Variants in ITGA11 observed in about 807,000 individuals in gnomAD.
The protein encoded by ITGA11 is integrin alpha-11.
Under a neutral mutation model 141.9 loss-of-function variants are expected in ITGA11, and 97 were observed. The observed-to-expected ratio is 0.68, with a 90% CI of 0.58 to 0.81. The LOEUF (loss-of-function observed/expected upper bound fraction) is 0.81. Ranked by LOEUF, ITGA11 falls within the 30% of genes least tolerant of loss-of-function variation. The pLI is 0.00. For missense variants in ITGA11, 1,387 were observed against 1,559.2 expected (o/e 0.89, Z 1.86); for synonymous variants, 658 against 624.6 (o/e 1.05, Z -0.80).
intron 10 of ITGA11, among the ~76,000 whole-genome samples, chr15:68,344,832 G>T (rs1894694162): frequency 6.6e-6 from 1 of 151,556 alleles, no homozygotes. Context: ...AGTCACCAAG[G>T]TTTCTGCGTA....
Position 68,325,106 on chromosome 15 carries a change from G to C in ITGA11, c.2322+25C>G. 3 of 1,560,062 alleles carry C rather than the reference G, an allele frequency of 1.9e-6. No individual in the cohort carries two copies. Among genetic ancestry groups the C allele is most frequent in the Non-Finnish European group, 2.7e-6 (3 of 1,130,772 alleles). On this transcript the variant is annotated intron_variant, in intron 18 of 29. Coordinates refer to ENST00000315757, the MANE Select transcript of ITGA11 (RefSeq NM_001004439.2). The surrounding 1 kb of genome is among the most constrained non-coding windows in gnomAD (Gnocchi z 5.5). The stretch of plus-strand genomic sequence containing the variant: ...GGTGGGGGTGGGGTTCATGCCCGAG[G>C]TGCGTGCCCTGTACCGAGATGTACC...
chr15:68,422,782 C>T lies in ITGA11; in HGVS notation c.52+9233G>A, dbSNP rs923859017. ...AACTCTCTCCCTAACCCTCTTGCTGCCAGACCCAGTCCTTCTTGCATTTAC... is the reference window on the plus strand; with the variant it reads ...AACTCTCTCCCTAACCCTCTTGCTGTCAGACCCAGTCCTTCTTGCATTTAC... On this transcript the variant is annotated intron_variant, in intron 1 of 29. Transcript: ENST00000315757. Among the ~76,000 whole-genome samples, 5 of 152,314 alleles carry T rather than the reference C, an allele frequency of 3.3e-5. No individual in the cohort carries two copies. The South Asian group carries it at 1.0e-3, about 32-fold the overall frequency.
chr15:68,428,950 T>C (rs957607015), intron 1 of ITGA11, among the ~76,000 whole-genome samples: 3 of 152,162 alleles, frequency 2.0e-5, no homozygotes, highest in Non-Finnish European at 4.4e-5. Flanking sequence ...CTTCACTCAT[T>C]TGGGGCCCTG....
rs750850758 is a variant in ITGA11 at position 68,332,302 on chromosome 15, C to T, written c.1566+36G>A. ...CCCAAGTCAAAGCAGAGGTTGGGGG[C>T]ACCTGAGAAGCTGCCCAGCCCCTGC... On this transcript the variant is annotated intron_variant, in intron 13 of 29. Coordinates refer to ENST00000315757, the MANE Select transcript of ITGA11 (RefSeq NM_001004439.2). The T allele has an allele frequency of 7.6e-6, 12 of 1,577,904 alleles. No individual in the cohort carries two copies. In the African/African-American group the frequency reaches 1.6e-4, roughly 21 times the overall value.
intron 1 of ITGA11, among the ~76,000 whole-genome samples, chr15:68,421,194 T>G (rs1897008113): frequency 1.1e-4 from 1 of 9,200 alleles, no homozygotes; most frequent in South Asian, 1.1e-3. Context: ...CTTCCTCAGG[T>G]GGGAGGGGGA....
In ITGA11 at chr15:68,396,933, T is replaced by A. The variant is rs867113355; in HGVS notation, c.164+5985A>T. 2.3e-3 allele frequency among the ~76,000 whole-genome samples: 74 copies of A among 31,510 alleles called. 10 individuals are homozygous for A. Among genetic ancestry groups the A allele is most frequent in the Non-Finnish European group, 2.8e-3 (57 of 20,500 alleles). The allele number at this position is 31,510 out of a possible 152,430, so 20.7% of individuals were successfully genotyped here. A position where few individuals can be genotyped will look rare whatever the true frequency, so the allele number is the denominator to read the frequency against. On this transcript the variant is annotated intron_variant, in intron 2 of 29. Coordinates refer to ENST00000315757, the MANE Select transcript of ITGA11 (RefSeq NM_001004439.2). The stretch of plus-strand genomic sequence containing the variant: ...ATTATATATTATTTATTATATAATA[T>A]ATAATATATTATATATTATTTATTA...
rs571462702 is a variant in ITGA11, at chr15:68,326,434, G to A, written c.2211+220C>T. On this transcript the variant is annotated intron_variant, in intron 17 of 29. Transcript: ENST00000315757. This position sits in a 1 kb window ranked among gnomAD's most constrained non-coding sequence, Gnocchi z 6.8. ...CCTTCGGCATCTGAGAGTGGCAGGA[G>A]AAGAGGTTTTGGAAGGATGTCTAGT... is the stretch of plus-strand genomic sequence containing the variant. 1.9e-4 allele frequency among the ~76,000 whole-genome samples: 29 copies of A among 152,258 alleles called. No individual in the cohort carries two copies. Among genetic ancestry groups the A allele is most frequent in the African/African-American group, 6.5e-4 (27 of 41,552 alleles).
chr15:68,328,648 C>T lies in ITGA11; in HGVS notation c.1902-386G>A, dbSNP rs1894060709. On this transcript the variant is annotated intron_variant, in intron 15 of 29. Transcript: ENST00000315757. The surrounding 1 kb of genome is among the most constrained non-coding windows in gnomAD (Gnocchi z 4.8). ...TAAAAAAATCCTGGTGCCTCAGCTA[C>T]ACCCTAGGCAAAACCACATCAGAAT... Among the ~76,000 whole-genome samples, 1 of 152,220 alleles carries T rather than the reference C, an allele frequency of 6.6e-6. No homozygotes were observed.
intron 7 of ITGA11, among the ~76,000 whole-genome samples, chr15:68,355,990 C>T (rs77797336): frequency 6.6e-6 from 1 of 152,192 alleles, no homozygotes; most frequent in Non-Finnish European, 1.5e-5. Context: ...GGGGGGTGAG[C>T]ACAATGTTTT....
chr15:68,324,575 T>C lies in ITGA11; in HGVS notation c.2322+556A>G, dbSNP rs1567128940. ...CTGCAGGGAGCATTTGAATGTTAGA[T>C]GTCAAACATTTTGGATGCCCCAGAG... On this transcript the variant is annotated intron_variant, in intron 18 of 29. Transcript: ENST00000315757. This position sits in a 1 kb window ranked among gnomAD's most constrained non-coding sequence, Gnocchi z 6.3. Among the ~76,000 whole-genome samples, 1 of 152,152 alleles carries C rather than the reference T, an allele frequency of 6.6e-6. No homozygotes were observed. Among genetic ancestry groups the C allele is most frequent in the Non-Finnish European group, 1.5e-5 (1 of 68,024 alleles).
intron 4 of ITGA11, 66 bp downstream of exon 4, chr15:68,364,641 C>T (rs558049992): frequency 2.9e-4 from 276 of 948,426 alleles, no homozygotes; most frequent in Admixed American, 2.7e-3. Flanking sequence ...TGTAAGGAGA[C>T]GCTCCACCCC....
At chr15:68,416,324 G>A (rs959168173) in intron 1 of ITGA11, among the ~76,000 whole-genome samples, 1 of 152,184 alleles carries the variant, frequency 6.6e-6, no homozygotes, top group Non-Finnish European at 1.5e-5. Context: ...TTGCAGAGGA[G>A]AACAAATGTC....
At chr15:68,389,222 T>C (rs1192551058) in intron 2 of ITGA11, among the ~76,000 whole-genome samples, 4 of 152,242 alleles carry the variant, frequency 2.6e-5, no homozygotes, top group Non-Finnish European at 5.9e-5. Context: ...CTCTCTCCCA[T>C]GAACACCTGA....
chr15:68,425,990 C>A (rs1405332528), intron 1 of ITGA11, among the ~76,000 whole-genome samples: 1 of 152,260 alleles, frequency 6.6e-6, no homozygotes. Context: ...ATCACCCAAG[C>A]CACAAGCTGG....
chr15:68,420,505 C>T (rs1034049616), intron 1 of ITGA11, among the ~76,000 whole-genome samples: 1 of 152,226 alleles, frequency 6.6e-6, no homozygotes, highest in Admixed American at 6.5e-5. Flanking sequence ...GGCCACCAAC[C>T]TCTTCTTGTC....
chr15:68,351,105 C>T (rs1458632036), intron 8 of ITGA11, among the ~76,000 whole-genome samples, 153 bp downstream of exon 8: 1 of 152,110 alleles, frequency 6.6e-6, no homozygotes, highest in Non-Finnish European at 1.5e-5. Context: ...CAGAAAGATC[C>T]TCAACTTGTT....
In ITGA11 at chr15:68,321,450, C is replaced by T. The variant is rs993739511; in HGVS notation, c.2376G>A (p.Val792=). 4.4e-6 allele frequency: 7 copies of T among 1,593,020 alleles called. No individual in the cohort carries two copies. The African/African-American group carries it at 5.5e-5, about 12-fold the overall frequency. Residue 792 remains valine (V), a synonymous_variant, in exon 19 of 30, where the codon GTG becomes GTA. Coordinates refer to ENST00000315757, the MANE Select transcript of ITGA11 (RefSeq NM_001004439.2). This position sits in a 1 kb window ranked among gnomAD's most constrained non-coding sequence, Gnocchi z 4.9. The part of the protein sequence containing the change: ...NEDEHCVPDL[V]LDARSDLPTA... ...TGGGCAGGTCACTCCGGGCATCCAA[C>T]ACAAGGTCAGGGACACAGTGCTCAT...
chr15:68,425,324 T>C (rs1897118558), intron 1 of ITGA11, among the ~76,000 whole-genome samples: 1 of 152,234 alleles, frequency 6.6e-6, no homozygotes, highest in South Asian at 2.1e-4. Context: ...TTAGTAATTT[T>C]AAAACAAGGG....
chr15:68,382,362 C>A (rs1266855119), intron 2 of ITGA11, among the ~76,000 whole-genome samples: 1 of 152,246 alleles, frequency 6.6e-6, no homozygotes, highest in Non-Finnish European at 1.5e-5. Context: ...CTCACCTGGT[C>A]TCCTGCCTGA....
Sources: allele counts gnomAD v4.1 joint callset (sites outside exome capture counted in the v4.1 genomes callset), GRCh38; gene constraint gnomAD v4.1.1; non-coding constraint Gnocchi (gnomAD v3.1); transcripts MANE v1.5; gene names NCBI Gene and HGNC (gene_info 2026-07-23, HGNC 2026-07-21).